TUSC3: variants seen among roughly 807,000 people sequenced by gnomAD.
TUSC3 encodes the protein dolichyl-diphosphooligosaccharide--protein glycosyltransferase subunit TUSC3.
Under a neutral mutation model 44.8 loss-of-function variants are expected in TUSC3, and 45 were observed. That is an observed-to-expected ratio of 1.00 (90% CI 0.79 to 1.29). The LOEUF (loss-of-function observed/expected upper bound fraction) is 1.29. Ranked by LOEUF, TUSC3 falls within the 50% of genes most tolerant of loss-of-function variation. The pLI, the probability that TUSC3 is intolerant of heterozygous loss-of-function variation, is 0.00. For missense variants in TUSC3, 519 were observed against 437.9 expected (o/e 1.19, Z -1.65); for synonymous variants, 212 against 152.9 (o/e 1.39, Z -2.85).
chr8:15,807,006 A>G, the TUSC3 span: 1 of 1,451,248 alleles, frequency 6.9e-7, no homozygotes, highest in South Asian at 1.1e-5. Flanking sequence ...CATTTTCCAA[A>G]GAAGGTGCTC....
chr8:15,792,990 T>G, the TUSC3 span, among the ~76,000 whole-genome samples: 1 of 152,032 alleles, frequency 6.6e-6, no homozygotes, highest in Admixed American at 6.6e-5. Flanking sequence ...CCTGTTTCTC[T>G]GGGGGAAAAC....
At chr8:15,795,199 G>A in the TUSC3 span, among the ~76,000 whole-genome samples, 1 of 152,144 alleles carries the variant, frequency 6.6e-6, no homozygotes, top group South Asian at 2.1e-4. Context: ...ATCAGTTTCT[G>A]TATCGACCTT....
intron 6 of TUSC3, among the ~76,000 whole-genome samples, chr8:15,718,127 TGTGA>T (rs1459368793): frequency 6.6e-6 from 1 of 152,094 alleles, no homozygotes; most frequent in Admixed American, 6.6e-5. Flanking sequence ...TTCAAATGTT[TGTGA>T]GTAATAGATT....
At chr8:15,714,259 C>A (rs975105891) in intron 6 of TUSC3, among the ~76,000 whole-genome samples, 1 of 152,108 alleles carries the variant, frequency 6.6e-6, no homozygotes, top group African/African-American at 2.4e-5. Context: ...AATGATTAAT[C>A]CGTAAAGTAA....
At chr8:15,669,327 G>A (rs1017018390) in intron 5 of TUSC3, among the ~76,000 whole-genome samples, 1 of 151,686 alleles carries the variant, frequency 6.6e-6, no homozygotes, top group East Asian at 1.9e-4. Context: ...CAATTGAGAC[G>A]GAATAATACT....
intron 1 of TUSC3, among the ~76,000 whole-genome samples, chr8:15,546,581 G>A (rs919574240): frequency 1.3e-5 from 2 of 151,564 alleles, no homozygotes; most frequent in Non-Finnish European, 2.9e-5. Context: ...TGTTGCCCAG[G>A]CTGGAGTGCA....
At chr8:15,600,505 TTA>T (rs1804240489) in intron 1 of TUSC3, among the ~76,000 whole-genome samples, 1 of 151,682 alleles carries the variant, frequency 6.6e-6, no homozygotes. Flanking sequence ...ATTTTTATCA[TTA>T]TTGTGACCGT....
At chr8:15,576,399 C>G (rs1205659786) in intron 1 of TUSC3, among the ~76,000 whole-genome samples, 1 of 147,586 alleles carries the variant, frequency 6.8e-6, no homozygotes. Context: ...CATGCTGGTG[C>G]GCTGCACCCA....
At chr8:15,622,989 A>G in intron 1 of TUSC3, 91 bp from the exon 2 acceptor site, 30 of 1,331,980 alleles carry the variant, frequency 2.3e-5, no homozygotes, top group Non-Finnish European at 3.0e-5. Flanking sequence ...TCATTAGGAA[A>G]AAGAAAATAA....
intron 7 of TUSC3, among the ~76,000 whole-genome samples, chr8:15,736,579 C>T (rs6992682): frequency 0.02 from 3,083 of 152,146 alleles, 99 homozygotes; most frequent in African/African-American, 0.071. Flanking sequence ...GCTTTTCTTA[C>T]TAAATACACT....
chr8:15,731,356 G>T (rs1206289916), intron 7 of TUSC3, among the ~76,000 whole-genome samples: 1 of 152,076 alleles, frequency 6.6e-6, no homozygotes, highest in Non-Finnish European at 1.5e-5. Flanking sequence ...TGTTTTGGGG[G>T]AACATTGATT....
At chr8:15,480,280 C>G (rs1292684525) in intron 1 of TUSC3, among the ~76,000 whole-genome samples, 2 of 152,186 alleles carry the variant, frequency 1.3e-5, no homozygotes, top group Non-Finnish European at 2.9e-5. Context: ...AGATCATATG[C>G]TATTCCCATT....
intron 1 of TUSC3, among the ~76,000 whole-genome samples, chr8:15,617,158 G>A (rs77723774): frequency 4.2e-5 from 1 of 24,060 alleles, no homozygotes; most frequent in African/African-American, 1.2e-4. Flanking sequence ...TTTTTTTTTT[G>A]AGACAGAGTC....
At position 15,473,198 on chromosome 8, in the gene TUSC3, C is replaced by G. The variant is rs181173829; in HGVS notation, n.92-10188C>G. On this transcript the variant is annotated intron_variant and non_coding_transcript_variant, in intron 1 of 5. Transcript: ENST00000503191. ...ACCCATTTTCACCATGGTGAGTTGT[C>G]AATATTATATTTGGAAGATGTGGTA... is the stretch of plus-strand genomic sequence containing the variant. Among the ~76,000 whole-genome samples, 16 of 152,186 alleles carry G rather than the reference C, an allele frequency of 1.1e-4. No individual in the cohort carries two copies. In the East Asian group the frequency reaches 2.9e-3, roughly 28 times the overall value.
the TUSC3 span, among the ~76,000 whole-genome samples, chr8:15,845,815 C>A: frequency 5.3e-5 from 8 of 152,144 alleles, no homozygotes; most frequent in Admixed American, 5.2e-4. Flanking sequence ...GTTGTTAGTA[C>A]TCATCTGTAA....
At chr8:15,608,086 A>G (rs955614972) in intron 1 of TUSC3, among the ~76,000 whole-genome samples, 3 of 152,198 alleles carry the variant, frequency 2.0e-5, no homozygotes, top group East Asian at 3.9e-4. Context: ...TTTTACATTT[A>G]AATGTATTTG....
intron 1 of TUSC3, among the ~76,000 whole-genome samples, chr8:15,572,992 G>C (rs1802933387): frequency 6.6e-6 from 1 of 151,884 alleles, no homozygotes; most frequent in Non-Finnish European, 1.5e-5. Context: ...ATGTGACATA[G>C]ACACTGACTG....
intron 1 of TUSC3, among the ~76,000 whole-genome samples, chr8:15,551,331 GT>G (rs1802054914): frequency 1.3e-5 from 2 of 151,752 alleles, no homozygotes; most frequent in African/African-American, 4.8e-5. Context: ...ATTTATGGTA[GT>G]TTCTCTATAT....
intron 1 of TUSC3, among the ~76,000 whole-genome samples, chr8:15,587,571 G>A (rs190830478): frequency 6.6e-6 from 1 of 152,210 alleles, no homozygotes; most frequent in East Asian, 1.9e-4. Flanking sequence ...TTTGTATTGG[G>A]AGCATCCAGA....
Sources: allele counts gnomAD v4.1 joint callset (sites outside exome capture counted in the v4.1 genomes callset), GRCh38; gene constraint gnomAD v4.1.1; transcripts MANE v1.5; gene names NCBI Gene and HGNC (gene_info 2026-07-23, HGNC 2026-07-21).